SPTBN5: variants seen among roughly 807,000 people sequenced by gnomAD.
SPTBN5 encodes spectrin beta chain, non-erythrocytic 5.
SPTBN5 carries 513 observed loss-of-function variants against 477.6 expected under a neutral mutation model. The observed-to-expected ratio is 1.07, with a 90% confidence interval of 1.00 to 1.16. The LOEUF (loss-of-function observed/expected upper bound fraction) is 1.16, where lower values mean the gene tolerates loss of function less well. Ranked by LOEUF, SPTBN5 falls within the 50% of genes most tolerant of loss-of-function variation. The probability of loss-of-function intolerance (pLI) is 0.00; values close to 1 mark genes in which losing one functional copy is unlikely to be tolerated. For missense variants in SPTBN5, 5,062 were observed against 4,731.8 expected (o/e 1.07, Z -2.05); for synonymous variants, 2,169 against 2,011.7 (o/e 1.08, Z -2.09).
intron 16 of SPTBN5, 83 bp from the exon 17 acceptor site, chr15:41,878,712 T>C: frequency 6.9e-7 from 1 of 1,439,088 alleles, no homozygotes; most frequent in South Asian, 1.4e-5. Context: ...CAAACCTGCA[T>C]CCCCCAGGGA....
rs1442878240 is a variant in SPTBN5 at position 41,867,652 on chromosome 15, C to T, written c.6208-10G>A. 1 of 1,612,394 alleles carries T rather than the reference C, an allele frequency of 6.2e-7. No individual in the cohort carries two copies. ...TGGTTTTCAGGGAGACCTGGATCCACAGAAAAGTCAGAGGCCACCAAGCCT... is the reference window on the plus strand; with the variant it reads ...TGGTTTTCAGGGAGACCTGGATCCATAGAAAAGTCAGAGGCCACCAAGCCT... On this transcript the variant is annotated splice_polypyrimidine_tract_variant and intron_variant, in intron 34 of 67. Coordinates refer to ENST00000320955, the MANE Select transcript of SPTBN5 (RefSeq NM_016642.4).
intron 8 of SPTBN5, 22 bp downstream of exon 8, chr15:41,883,326 G>A (rs1169571246): frequency 6.2e-7 from 1 of 1,611,578 alleles, no homozygotes; most frequent in African/African-American, 1.3e-5. Context: ...GTTTCCCAAG[G>A]GCCTGCTGGT....
At chr15:41,865,350 A>C (rs1340697985) in intron 39 of SPTBN5, among the ~76,000 whole-genome samples, 2 of 152,180 alleles carry the variant, frequency 1.3e-5, no homozygotes, top group Admixed American at 6.5e-5. Flanking sequence ...TGAAATAATT[A>C]TAGATGCCCA....
In SPTBN5 at chr15:41,883,092, A is replaced by G; in HGVS notation, c.1796T>C (p.Leu599Pro). 1.2e-6 allele frequency: 2 copies of G among 1,605,448 alleles called. No individual in the cohort carries two copies. Among genetic ancestry groups the G allele is most frequent in the Non-Finnish European group, 1.7e-6 (2 of 1,176,414 alleles). Reference sequence around the variant, plus strand: ...CACACTGGTGCCCAGGGAGGAGTCCAGCTCTGCTGTCTGCTGAGCAAGATG... The same window carrying G: ...CACACTGGTGCCCAGGGAGGAGTCCGGCTCTGCTGTCTGCTGAGCAAGATG... ...VSHLAQQTAE[L>P]DSSLGTSVEV... Residue 599 changes from leucine (L) to proline (P), a missense_variant, in exon 9 of 68, where the codon CTG (leucine) becomes CCG (proline). Transcript: ENST00000320955.
At chr15:41,853,128 C>G in intron 59 of SPTBN5, 128 bp from the exon 60 acceptor site, 1 of 1,449,774 alleles carries the variant, frequency 6.9e-7, no homozygotes, top group Non-Finnish European at 9.2e-7. Flanking sequence ...CTGCCCCTTC[C>G]CAGCCTCTCT....
In SPTBN5 at chr15:41,887,995, T is replaced by C. The variant is rs776142592; in HGVS notation, c.592A>G (p.Asn198Asp). ...CAGCTTCGGGAGAAATCTGTAATGT[T>C]CACGTTGGTGTAGCTGGCTGTCTTC... ...QRKTASYTNV[N>D]ITDFSRSWSD... The change falls in exon 5 of 68, where the codon AAC (asparagine) becomes GAC (aspartate). Residue 198 changes from asparagine (N) to aspartate (D), a missense_variant. Transcript: ENST00000320955. 17 of 1,604,276 alleles carry C rather than the reference T, an allele frequency of 1.1e-5. No individual in the cohort carries two copies. In the South Asian group the frequency reaches 1.8e-4, roughly 17 times the overall value.
rs1029308032 is a variant in SPTBN5, at chr15:41,851,964, C to T, written c.10585-114G>A. Reference sequence around the variant, plus strand: ...TCCTCCCATCCAAGTACTAACCAGGCCTGACCCTGCTTAGCTTCTAAGATC... The same window carrying T: ...TCCTCCCATCCAAGTACTAACCAGGTCTGACCCTGCTTAGCTTCTAAGATC... On this transcript the variant is annotated intron_variant, in intron 62 of 67. Transcript: ENST00000320955. 42 of 976,978 alleles carry T rather than the reference C, an allele frequency of 4.3e-5. No homozygotes were observed. The African/African-American group carries it at 5.9e-4, about 14-fold the overall frequency. 60.5% of individuals were successfully genotyped at this position (976,978 alleles called of 1,614,324 possible). A position where few individuals can be genotyped will look rare whatever the true frequency, so the allele number is the denominator to read the frequency against.
At chr15:41,875,769 G>C in intron 21 of SPTBN5, 147 bp from the exon 22 acceptor site, 1 of 857,106 alleles carries the variant, frequency 1.2e-6, no homozygotes, top group Non-Finnish European at 1.7e-6. Context: ...AGTTCATGTG[G>C]CCCCAAAACT....
rs544612157 is a variant in SPTBN5 at position 41,893,386 on chromosome 15, A to G, written c.112T>C (p.Ser38Pro). 1.5e-5 allele frequency: 24 copies of G among 1,613,862 alleles called. No homozygotes were observed. In the East Asian group the frequency reaches 1.6e-4, roughly 10 times the overall value. Residue 38 changes from serine (S) to proline (P), a missense_variant, in exon 2 of 68, where the codon TCT (serine) becomes CCT (proline). Physicochemically the swap from Ser to Pro is moderately conservative, Grantham distance 74. Coordinates refer to ENST00000320955, the MANE Select transcript of SPTBN5 (RefSeq NM_016642.4). The part of the protein sequence containing the change: ...VPPSPSLTMD[S>P]QYETGHIRKL... ...CGAATGTGGCCCGTCTCGTACTGAGAGTCCATGGTGAGACTTGGACTGGGC... is the reference window on the plus strand; with the variant it reads ...CGAATGTGGCCCGTCTCGTACTGAGGGTCCATGGTGAGACTTGGACTGGGC...
In SPTBN5 at chr15:41,863,876, C is replaced by T. The variant is rs372479781; in HGVS notation, c.7034+33G>A. 93 of 1,612,940 alleles carry T rather than the reference C, an allele frequency of 5.8e-5. 1 individual carries two copies. The highest frequency in any genetic ancestry group is 1.6e-4 in the Middle Eastern group (1 of 6,078). ...TGAGGTGGCCTTCCACCCCTCTTCC[C>T]GGCCCTTTGGTTCTCCCCAGCCTGG... On this transcript the variant is annotated intron_variant, in intron 40 of 67. Coordinates refer to ENST00000320955, the MANE Select transcript of SPTBN5 (RefSeq NM_016642.4).
At position 41,852,972 on chromosome 15, in the gene SPTBN5, C is replaced by A. The variant is rs978685848; in HGVS notation, c.10199G>T (p.Gly3400Val). 6.4e-7 allele frequency: 1 copy of A among 1,556,596 alleles called. No homozygotes were observed. The highest frequency in any genetic ancestry group is 2.4e-5 in the East Asian group (1 of 41,996). ...EVTECLQELE[G>V]RLQELEEAWA... is the part of the protein sequence containing the mutation. The stretch of plus-strand genomic sequence containing the variant: ...AGCCTCCTCCAGCTCCTGCAGCCGC[C>A]CTTCCAGCTCCTGCAGGCACTCTGT... Residue 3400 changes from glycine (G) to valine (V), a missense_variant, in exon 60 of 68, where the codon GGG becomes GTG. By Grantham distance (109) the Gly-to-Val change is moderately radical. Coordinates refer to ENST00000320955, the MANE Select transcript of SPTBN5 (RefSeq NM_016642.4).
chr15:41,892,213 T>A (rs2067334339), intron 3 of SPTBN5, among the ~76,000 whole-genome samples: 1 of 152,164 alleles, frequency 6.6e-6, no homozygotes, highest in Admixed American at 6.5e-5. Flanking sequence ...CAGGCCCAGC[T>A]CAGTGACTTC....
In SPTBN5 at chr15:41,883,210, C is replaced by T. The variant is rs754035949; in HGVS notation, c.1678G>A (p.Ala560Thr). 22 of 1,610,892 alleles carry T rather than the reference C, an allele frequency of 1.4e-5. No homozygotes were observed. Among genetic ancestry groups the T allele is most frequent in the South Asian group, 1.3e-4 (12 of 90,674 alleles). The change falls in exon 9 of 68, where the codon GCC becomes ACC. Residue 560 changes from alanine to threonine, a missense_variant. Coordinates refer to ENST00000320955, the MANE Select transcript of SPTBN5 (RefSeq NM_016642.4). ...EELQEPARST[A>T]CGQQLAEVVE... ...ACTTCTGCCAGCTGCTGCCCACAGG[C>T]GGTGGACCTGGCCGGCTCCTGGCCA...
At chr15:41,856,802 T>C in intron 52 of SPTBN5, 51 bp downstream of exon 52, 1 of 1,498,486 alleles carries the variant, frequency 6.7e-7, no homozygotes, top group Non-Finnish European at 9.0e-7. Flanking sequence ...TTTCCTTGGC[T>C]GAGAAGCCCT....
chr15:41,852,661 C>T lies in SPTBN5; in HGVS notation c.10422G>A (p.Glu3474=), dbSNP rs745707278. Reference sequence around the variant, plus strand: ...CTGTCTTTTGCATTTGGGCAAACTTCTCTTCCTGGGCTGCCAGCAGCTTTT... The same window carrying T: ...CTGTCTTTTGCATTTGGGCAAACTTTTCTTCCTGGGCTGCCAGCAGCTTTT... ...DLEKLLAAQE[E]KFAQMQKTEM... is the part of the protein sequence containing the mutation. Residue 3474 remains glutamate, a synonymous_variant, in exon 61 of 68, where the codon GAG becomes GAA. Coordinates refer to ENST00000320955, the MANE Select transcript of SPTBN5 (RefSeq NM_016642.4). 12 of 1,613,618 alleles carry T rather than the reference C, an allele frequency of 7.4e-6. No individual in the cohort carries two copies. Among genetic ancestry groups the T allele is most frequent in the Non-Finnish European group, 1.0e-5 (12 of 1,179,872 alleles).
At chr15:41,848,658 G>C (rs772562636) in intron 67 of SPTBN5, 30 bp from the exon 68 acceptor site, 1 of 1,613,562 alleles carries the variant, frequency 6.2e-7, no homozygotes, top group South Asian at 1.1e-5. Context: ...AATTTAGTAG[G>C]GTATGGCCAC....
At chr15:41,867,187 C>T in intron 35 of SPTBN5, 61 bp from the exon 36 acceptor site, 1 of 1,465,196 alleles carries the variant, frequency 6.8e-7, no homozygotes, top group African/African-American at 1.4e-5. Flanking sequence ...GCCTGGCCTG[C>T]AGGGCTCACA....
intron 31 of SPTBN5, 26 bp from the exon 32 acceptor site, chr15:41,870,046 G>A: frequency 6.8e-7 from 1 of 1,464,436 alleles, no homozygotes; most frequent in Non-Finnish European, 9.0e-7. Flanking sequence ...GGAATAGGGA[G>A]GCAAGGGTCA....
At chr15:41,889,965 A>G in intron 4 of SPTBN5, 124 bp downstream of exon 4, 1 of 642,654 alleles carries the variant, frequency 1.6e-6, no homozygotes, top group Non-Finnish European at 2.8e-6. Context: ...TGGACTTTGC[A>G]GTTTCCAGGA....
Sources: allele counts gnomAD v4.1 joint callset (sites outside exome capture counted in the v4.1 genomes callset), GRCh38; gene constraint gnomAD v4.1.1; transcripts MANE v1.5; gene names NCBI Gene and HGNC (gene_info 2026-07-23, HGNC 2026-07-21).